CALN1: variants seen among roughly 807,000 people sequenced by gnomAD.
CALN1 encodes calneuron 1, also known as calcium-binding protein 8.
CALN1 carries 17 observed loss-of-function variants against 30.6 expected under a neutral mutation model. The observed-to-expected ratio is 0.56, with a 90% confidence interval of 0.38 to 0.83. The LOEUF is 0.83. CALN1 is among the 40% of genes least tolerant of loss of function. The probability of loss-of-function intolerance (pLI) is 0.00; values close to 1 mark genes in which losing one functional copy is unlikely to be tolerated. For missense variants in CALN1, 291 were observed against 354.9 expected, an observed-to-expected ratio of 0.82 and a Z score of 1.45; for synonymous variants, 156 against 131.4, an observed-to-expected ratio of 1.19 and a Z score of -1.28.
chr7:72,390,464 T>C (rs1805511273), intron 2 of CALN1, among the ~76,000 whole-genome samples: 1 of 151,908 alleles, frequency 6.6e-6, no homozygotes, highest in Admixed American at 6.6e-5. Context: ...AATGAGAGAT[T>C]GGCTGCCCTG....
rs1010635078 is a variant in CALN1, at chr7:71,978,262, C to CT, written c.501+45394dup. On this transcript the variant is annotated intron_variant, in intron 5 of 6. Coordinates refer to ENST00000395275, the MANE Select transcript of CALN1 (RefSeq NM_031468.4). The stretch of plus-strand genomic sequence containing the variant: ...AAAAACTCAGGGACTCTAGAGAATT[C>CT]TTTTTTTTTTTTTTTTTTTTTTTTT... Among the ~76,000 whole-genome samples the CT allele has an allele frequency of 9.9e-3, 722 of 72,922 alleles. 31 individuals are homozygous for CT. Among genetic ancestry groups the CT allele is most frequent in the Non-Finnish European group, 0.013 (496 of 38,794 alleles). The allele number at this position is 72,922 out of a possible 152,430, so 47.8% of individuals were successfully genotyped here. A position where few individuals can be genotyped will look rare whatever the true frequency, so the allele number is the denominator to read the frequency against.
rs185430233 is a variant in CALN1 at position 72,369,264 on chromosome 7, A to T, written c.119+33987T>A. On this transcript the variant is annotated intron_variant, in intron 2 of 6. Transcript: ENST00000395275. ...AATCAACATGGTAAACACGTACATT[A>T]CGCAAAGTGTTATATACATATAAAA... is the stretch of plus-strand genomic sequence containing the variant. Among the ~76,000 whole-genome samples, 846 of 149,750 alleles carry T rather than the reference A, an allele frequency of 5.6e-3. 2 individuals carry two copies. Among genetic ancestry groups the T allele is most frequent in the Non-Finnish European group, 9.1e-3 (614 of 67,570 alleles).
chr7:71,985,377 T>C (rs1388589194), intron 5 of CALN1, among the ~76,000 whole-genome samples: 2 of 152,028 alleles, frequency 1.3e-5, no homozygotes, highest in African/African-American at 4.8e-5. Context: ...GGTGCAGTAG[T>C]TCATGCCTGT....
At chr7:72,323,471 C>A (rs1454438919) in intron 2 of CALN1, among the ~76,000 whole-genome samples, 1 of 151,894 alleles carries the variant, frequency 6.6e-6, no homozygotes, top group Non-Finnish European at 1.5e-5. Flanking sequence ...ACCAGCCTGG[C>A]CAACATAGTG....
chr7:72,038,772 A>G (rs962804349), intron 4 of CALN1, among the ~76,000 whole-genome samples: 10 of 152,210 alleles, frequency 6.6e-5, no homozygotes, highest in Admixed American at 5.9e-4. Context: ...CACCAGTGCC[A>G]TGACAGTTTA....
At chr7:72,254,727 T>C (rs1795797953) in intron 3 of CALN1, among the ~76,000 whole-genome samples, 1 of 152,118 alleles carries the variant, frequency 6.6e-6, no homozygotes, top group Non-Finnish European at 1.5e-5. Flanking sequence ...CATTAGCACT[T>C]ACCTTCACAT....
intron 5 of CALN1, among the ~76,000 whole-genome samples, chr7:71,890,123 G>A (rs1793156998): frequency 2.0e-5 from 3 of 151,970 alleles, no homozygotes; most frequent in Non-Finnish European, 2.9e-5. Context: ...TATTTTTTTG[G>A]AGACAAGGTC....
chr7:72,252,538 G>A (rs1795629198), intron 3 of CALN1, among the ~76,000 whole-genome samples: 1 of 151,834 alleles, frequency 6.6e-6, no homozygotes, highest in Non-Finnish European at 1.5e-5. Flanking sequence ...GCCCAGGGTG[G>A]GTGGAGGTTG....
chr7:72,132,563 C>A (rs999430497), intron 3 of CALN1, among the ~76,000 whole-genome samples: 7 of 152,158 alleles, frequency 4.6e-5, no homozygotes, highest in Non-Finnish European at 7.3e-5. Flanking sequence ...AAGAATGCCA[C>A]CACAATAAAT....
At chr7:72,417,281 C>G (rs985528921), upstream of CALN1, among the ~76,000 whole-genome samples, 1 of 152,218 alleles carries the variant, frequency 6.6e-6, no homozygotes, top group Non-Finnish European at 1.5e-5. Flanking sequence ...TGGCCATCAG[C>G]CTGCCAAAAA....
intron 5 of CALN1, among the ~76,000 whole-genome samples, chr7:71,838,554 G>A (rs1239040637): frequency 6.6e-6 from 1 of 152,162 alleles, no homozygotes; most frequent in African/African-American, 2.4e-5. Context: ...AGCCTCCTGA[G>A]TAGCTGGGGC....
intron 4 of CALN1, among the ~76,000 whole-genome samples, chr7:72,068,946 C>T (rs1213019361): frequency 1.3e-5 from 2 of 152,026 alleles, no homozygotes; most frequent in South Asian, 2.1e-4. Context: ...TGATTGAGGA[C>T]GGTGGAAAAA....
At chr7:72,446,572 G>A (rs1002562204) in intron 1 of CALN1, among the ~76,000 whole-genome samples, 2 of 152,194 alleles carry the variant, frequency 1.3e-5, no homozygotes, top group Non-Finnish European at 2.9e-5. Flanking sequence ...GACTTACAGG[G>A]AAAGTTGTAT....
intron 3 of CALN1, among the ~76,000 whole-genome samples, chr7:72,239,788 G>C (rs186325413): frequency 9.7e-4 from 148 of 152,262 alleles, no homozygotes; most frequent in African/African-American, 3.4e-3. Flanking sequence ...GTTCAGAAGA[G>C]AGAATGTGCA....
intron 6 of CALN1, 135 bp from the exon 7 acceptor site, chr7:71,788,037 C>A: frequency 8.4e-7 from 1 of 1,189,400 alleles, no homozygotes; most frequent in Non-Finnish European, 1.2e-6. Context: ...TGAGACTGGT[C>A]AAATCAAGTT....
intron 4 of CALN1, among the ~76,000 whole-genome samples, chr7:72,058,633 T>C (rs1461324964): frequency 6.6e-6 from 1 of 152,126 alleles, no homozygotes; most frequent in Non-Finnish European, 1.5e-5. Context: ...AGCTGGAATC[T>C]TTAGAGAACA....
intron 1 of CALN1, among the ~76,000 whole-genome samples, chr7:72,439,663 C>T (rs1457654435): frequency 6.6e-6 from 1 of 151,366 alleles, no homozygotes; most frequent in Non-Finnish European, 1.5e-5. Flanking sequence ...CTGCAACCTC[C>T]GCCTCCTGAG....
chr7:72,298,994 T>A (rs189118325), intron 2 of CALN1, among the ~76,000 whole-genome samples: 85 of 152,256 alleles, frequency 5.6e-4, no homozygotes, highest in Middle Eastern at 3.4e-3. Flanking sequence ...GTCTCTGGTA[T>A]GTCTTTATCA....
rs749693044 is a variant in CALN1 at position 72,412,119 on chromosome 7, C to T, written c.-135G>A. Reference sequence around the variant, plus strand: ...GTCTCGCCGACTTTAAGAATAAAACCACGGACCTCGCGGTGAGTGTTACAG... The same window carrying T: ...GTCTCGCCGACTTTAAGAATAAAACTACGGACCTCGCGGTGAGTGTTACAG... On this transcript the variant is annotated 5_prime_UTR_variant, in exon 1 of 7. Transcript: ENST00000395275. 2.0e-5 allele frequency: 3 copies of T among 152,522 alleles called. No individual in the cohort carries two copies. Among genetic ancestry groups the T allele is most frequent in the Non-Finnish European group, 4.4e-5 (3 of 68,156 alleles). The allele number at this position is 152,522 out of a possible 1,614,324, so 9.4% of individuals were successfully genotyped here. A position where few individuals can be genotyped will look rare whatever the true frequency, so the allele number is the denominator to read the frequency against.
Sources: gnomAD v4.1 joint callset for allele counts (sites outside exome capture counted in the v4.1 genomes callset) on GRCh38, gnomAD v4.1.1 for gene constraint, MANE v1.5 for transcripts, NCBI Gene and HGNC (gene_info 2026-07-23, HGNC 2026-07-21) for gene names.